MGAT4A: variants seen among roughly 807,000 people sequenced by gnomAD.
The protein encoded by MGAT4A is N-acetylglucosaminyltransferase IVa.
MGAT4A carries 33 observed loss-of-function variants against 74.1 expected under a neutral mutation model. The ratio of observed to expected loss-of-function variants is 0.45; its 90% CI spans 0.34 to 0.60. MGAT4A has a LOEUF of 0.60. Ranked by LOEUF, MGAT4A falls within the 20% of genes least tolerant of loss-of-function variation. MGAT4A has a pLI of 0.02. For missense variants in MGAT4A, 479 were observed against 628.3 expected (o/e 0.76, Z 2.54); for synonymous variants, 198 against 210.4 (o/e 0.94, Z 0.51).
At chr2:98,718,132 C>T (rs186372851) in intron 2 of MGAT4A, among the ~76,000 whole-genome samples, 227 of 152,290 alleles carry the variant, frequency 1.5e-3, no homozygotes, top group African/African-American at 5.2e-3. Context: ...CTGTAGTCTA[C>T]TGATTCAAAG....
intron 2 of MGAT4A, among the ~76,000 whole-genome samples, chr2:98,716,401 T>A (rs1702592357): frequency 6.6e-6 from 1 of 152,144 alleles, no homozygotes; most frequent in Admixed American, 6.5e-5. Flanking sequence ...GTAGATCACC[T>A]GAGGTCAGGA....
rs191269988 is a variant in MGAT4A, at chr2:98,699,935, C to T, written c.95-21464G>A. ...GTAGAGCACATGGCCCACCACATCTCTTGCCTGAGTCACGATGTTTCTTAT... is the reference window on the plus strand; with the variant it reads ...GTAGAGCACATGGCCCACCACATCTTTTGCCTGAGTCACGATGTTTCTTAT... On this transcript the variant is annotated intron_variant, in intron 2 of 15. Transcript: ENST00000393487. Among the ~76,000 whole-genome samples, 219 of 152,292 alleles carry T rather than the reference C, an allele frequency of 1.4e-3. 6 individuals are homozygous for T. The South Asian group carries it at 0.032, about 22-fold the overall frequency.
chr2:98,640,331 T>C, intron 10 of MGAT4A, 103 bp from the exon 11 acceptor site: 1 of 914,876 alleles, frequency 1.1e-6, no homozygotes, highest in Non-Finnish European at 1.7e-6. Context: ...AAAGAAGGGC[T>C]GGGCGCGGTG....
At position 98,622,762 on chromosome 2, in the gene MGAT4A, A is replaced by G; in HGVS notation, c.*2804T>C. Reference sequence around the variant, plus strand: ...CGCCTCAGGAACCTGAAATCTGGTCAGAGAGACAGCACACACCATACACAC... The same window carrying G: ...CGCCTCAGGAACCTGAAATCTGGTCGGAGAGACAGCACACACCATACACAC... On this transcript the variant is annotated 3_prime_UTR_variant, in exon 16 of 16. Coordinates refer to ENST00000393487, the MANE Select transcript of MGAT4A (RefSeq NM_012214.3). 7 of 985,778 alleles carry G rather than the reference A, an allele frequency of 7.1e-6. No homozygotes were observed. The highest frequency in any genetic ancestry group is 8.4e-6 in the Non-Finnish European group (7 of 830,184). 61.1% of individuals were successfully genotyped at this position (985,778 alleles called of 1,614,324 possible).
At chr2:98,649,539 G>A (rs187877019) in intron 8 of MGAT4A, among the ~76,000 whole-genome samples, 26 of 152,264 alleles carry the variant, frequency 1.7e-4, no homozygotes, top group African/African-American at 5.8e-4. Flanking sequence ...TCAGGAACAG[G>A]GCACCAGGTT....
intron 2 of MGAT4A, among the ~76,000 whole-genome samples, chr2:98,703,754 C>T (rs768094488): frequency 6.2e-4 from 94 of 152,150 alleles, no homozygotes; most frequent in Non-Finnish European, 1.3e-3. Context: ...ACACTAGCTT[C>T]CTTTTACACT....
At position 98,667,696 on chromosome 2, in the gene MGAT4A, T is replaced by TTTGTTGTTG. The variant is rs142922685; in HGVS notation, c.404-4526_404-4518dup. On this transcript the variant is annotated intron_variant, in intron 4 of 15. Coordinates refer to ENST00000393487, the MANE Select transcript of MGAT4A (RefSeq NM_012214.3). Reference sequence around the variant, plus strand: ...TGGGTGCTGTTAAAGGCATTCAGTTTTTGTTGTTGTTGTTGTTGTTGTTGT... The same window carrying TTTGTTGTTG: ...TGGGTGCTGTTAAAGGCATTCAGTTTTTGTTGTTGTTGTTGTTGTTGTTGTTGTTGTTGT... Among the ~76,000 whole-genome samples, 601 of 150,266 alleles carry TTTGTTGTTG rather than the reference T, an allele frequency of 4.0e-3. 2 individuals carry two copies. Among genetic ancestry groups the TTTGTTGTTG allele is most frequent in the African/African-American group, 0.012 (497 of 40,672 alleles).
At position 98,624,949 on chromosome 2, in the gene MGAT4A, A is replaced by T. The variant is rs943231710; in HGVS notation, c.*617T>A. On this transcript the variant is annotated 3_prime_UTR_variant, in exon 16 of 16. Transcript: ENST00000393487. Reference sequence around the variant, plus strand: ...TCAATTAAGAAATCCATCTATAATCAATCTTAAATGGCAGTGCATTTGAAA... The same window carrying T: ...TCAATTAAGAAATCCATCTATAATCTATCTTAAATGGCAGTGCATTTGAAA... The T allele has an allele frequency of 6.1e-6, 6 of 985,236 alleles. No homozygotes were observed. The African/African-American group carries it at 8.7e-5, about 14-fold the overall frequency. 61.0% of individuals were successfully genotyped at this position (985,236 alleles called of 1,614,324 possible).
At chr2:98,631,809 C>CA (rs1364471639) in intron 14 of MGAT4A, among the ~76,000 whole-genome samples, 1 of 152,220 alleles carries the variant, frequency 6.6e-6, no homozygotes, top group East Asian at 1.9e-4. Flanking sequence ...CAGAAAGCTT[C>CA]TGTCCTTGTG....
chr2:98,717,918 A>C (rs1450529194), intron 2 of MGAT4A, among the ~76,000 whole-genome samples: 1 of 152,210 alleles, frequency 6.6e-6, no homozygotes, highest in Non-Finnish European at 1.5e-5. Flanking sequence ...CAAGTCCTAG[A>C]CTTAGTATTA....
intron 2 of MGAT4A, among the ~76,000 whole-genome samples, chr2:98,684,873 CTT>C (rs1702107860): frequency 1.3e-5 from 2 of 152,250 alleles, no homozygotes; most frequent in South Asian, 4.1e-4. Context: ...TAAACCCACT[CTT>C]TATTTCTTAA....
chr2:98,658,753 A>AAT (rs1167474578), intron 5 of MGAT4A, among the ~76,000 whole-genome samples: 1 of 152,248 alleles, frequency 6.6e-6, no homozygotes, highest in Non-Finnish European at 1.5e-5. Flanking sequence ...CTATGTAATA[A>AAT]AAAACTGCTA....
intron 2 of MGAT4A, among the ~76,000 whole-genome samples, chr2:98,713,044 C>T (rs1425466896): frequency 6.6e-6 from 1 of 151,764 alleles, no homozygotes; most frequent in Non-Finnish European, 1.5e-5. Flanking sequence ...TGGCACACAC[C>T]TGTAGTCCCA....
chr2:98,711,775 C>T (rs1249363929), intron 2 of MGAT4A, among the ~76,000 whole-genome samples: 4 of 152,160 alleles, frequency 2.6e-5, no homozygotes, highest in African/African-American at 4.8e-5. Flanking sequence ...GTAGCTGGGA[C>T]CACAGACAAA....
rs1225637814 is a variant in MGAT4A at position 98,624,811 on chromosome 2, C to T, written c.*755G>A. ...ACTTTCTGTGGCTATACACCATACA[C>T]AGTATAGTAAAGTAACCCTCAGGAA... On this transcript the variant is annotated 3_prime_UTR_variant, in exon 16 of 16. Coordinates refer to ENST00000393487, the MANE Select transcript of MGAT4A (RefSeq NM_012214.3). The T allele has an allele frequency of 1.0e-6, 1 of 984,888 alleles. No homozygotes were observed. The highest frequency in any genetic ancestry group is 1.2e-6 in the Non-Finnish European group (1 of 829,194). The allele number at this position is 984,888 out of a possible 1,614,324, so 61.0% of individuals were successfully genotyped here.
chr2:98,728,786 T>C (rs1000143992), intron 1 of MGAT4A, among the ~76,000 whole-genome samples: 1 of 152,040 alleles, frequency 6.6e-6, no homozygotes. Context: ...TCTAATTGTC[T>C]TAAATCAATA....
intron 10 of MGAT4A, among the ~76,000 whole-genome samples, chr2:98,642,151 G>C (rs1237646966): frequency 6.6e-6 from 1 of 152,096 alleles, no homozygotes; most frequent in Non-Finnish European, 1.5e-5. Context: ...AAATACTCAA[G>C]TGGAAGGAGA....
In MGAT4A at chr2:98,639,918, T is replaced by C; in HGVS notation, c.1212A>G (p.Gln404=). 11 of 1,614,150 alleles carry C rather than the reference T, an allele frequency of 6.8e-6. No homozygotes were observed. Among genetic ancestry groups the C allele is most frequent in the Non-Finnish European group, 9.3e-6 (11 of 1,179,998 alleles). ...AEVSTSLKVY[Q]GHTLEKTYMG... ...TGTAAGTTTTCTCCAGCGTATGCCC[T>C]TGGTAGACCTTCAAGGAAGTAGATA... Residue 404 remains glutamine (Q), a synonymous_variant, in exon 12 of 16, where the codon CAA becomes CAG. Coordinates refer to ENST00000393487, the MANE Select transcript of MGAT4A (RefSeq NM_012214.3).
At chr2:98,641,096 T>G (rs1008017330) in intron 10 of MGAT4A, among the ~76,000 whole-genome samples, 2 of 152,172 alleles carry the variant, frequency 1.3e-5, no homozygotes, top group Non-Finnish European at 2.9e-5. Context: ...CCTGTCCTCA[T>G]GCATGGGCCT....
Sources: allele counts gnomAD v4.1 joint callset (sites outside exome capture counted in the v4.1 genomes callset), GRCh38; gene constraint gnomAD v4.1.1; transcripts MANE v1.5; gene names NCBI Gene and HGNC (gene_info 2026-07-23, HGNC 2026-07-21).